The following UBE3B variants were observed in gnomAD, a reference collection of about 807,000 sequenced individuals.
UBE3B encodes ubiquitin protein ligase E3B, also known as ubiquitin-protein ligase E3B.
Under a neutral mutation model 132.3 loss-of-function variants are expected in UBE3B, and 80 were observed. The ratio of observed to expected loss-of-function variants is 0.60; its 90% CI spans 0.50 to 0.73. UBE3B has a LOEUF of 0.73. UBE3B is among the 30% of genes least tolerant of loss of function. The pLI is 0.00. For missense variants in UBE3B, 1,196 were observed against 1,362.5 expected, an observed-to-expected ratio of 0.88 and a Z score of 1.92; for synonymous variants, 487 against 520.4, an observed-to-expected ratio of 0.94 and a Z score of 0.87.
chr12:109,524,427 T>G lies in UBE3B; in HGVS notation c.2503-11T>G, dbSNP rs780297349. 107 of 1,614,044 alleles carry G rather than the reference T, an allele frequency of 6.6e-5. No homozygotes were observed. The highest frequency in any genetic ancestry group is 8.6e-5 in the Non-Finnish European group (101 of 1,179,986). On this transcript the variant is annotated splice_polypyrimidine_tract_variant and intron_variant, in intron 22 of 27. Transcript: ENST00000342494. ...ATGGCCCTAACACTTTCCCCTTCTCTGTTACATTAGCGCTATGATGGGGAC... is the reference window on the plus strand; with the variant it reads ...ATGGCCCTAACACTTTCCCCTTCTCGGTTACATTAGCGCTATGATGGGGAC...
chr12:109,501,836 T>TA (rs981930208), intron 13 of UBE3B, among the ~76,000 whole-genome samples: 23 of 150,950 alleles, frequency 1.5e-4, no homozygotes, highest in Non-Finnish European at 2.2e-4. Context: ...TTTTTTTTTT[T>TA]AATTTTTGTA....
chr12:109,533,716 A>C, intron 27 of UBE3B, 158 bp downstream of exon 27: 2 of 855,296 alleles, frequency 2.3e-6, no homozygotes, highest in Non-Finnish European at 3.8e-6. Flanking sequence ...TTCTCACGGC[A>C]GGAGAACCAG....
At chr12:109,486,833 G>C (rs1015805596) in intron 6 of UBE3B, among the ~76,000 whole-genome samples, 4 of 152,094 alleles carry the variant, frequency 2.6e-5, no homozygotes, top group African/African-American at 9.7e-5. Context: ...TTCATTTAAT[G>C]TAATCAGTAC....
intron 17 of UBE3B, 85 bp from the exon 18 acceptor site, chr12:109,511,119 G>A: frequency 8.4e-7 from 1 of 1,193,242 alleles, no homozygotes; most frequent in Non-Finnish European, 1.2e-6. Context: ...CCTGCATGTG[G>A]CCCACATGGT....
chr12:109,485,804 C>T (rs1339096391), intron 4 of UBE3B, among the ~76,000 whole-genome samples: 1 of 152,114 alleles, frequency 6.6e-6, no homozygotes, highest in Non-Finnish European at 1.5e-5. Flanking sequence ...TATAGGGTTC[C>T]TCCAGCTCTT....
chr12:109,524,257 C>T, intron 22 of UBE3B, 142 bp downstream of exon 22: 1 of 1,380,710 alleles, frequency 7.2e-7, no homozygotes, highest in Non-Finnish European at 9.9e-7. Context: ...TGTGGGCAGT[C>T]CCACTTGGGG....
At chr12:109,507,191 G>A (rs1313247715) in intron 14 of UBE3B, among the ~76,000 whole-genome samples, 2 of 152,248 alleles carry the variant, frequency 1.3e-5, no homozygotes, top group Admixed American at 1.3e-4. Context: ...TAAATGCTAA[G>A]TCAGACCTGA....
intron 14 of UBE3B, among the ~76,000 whole-genome samples, chr12:109,507,273 T>C (rs752569056): frequency 6.6e-6 from 1 of 152,230 alleles, no homozygotes; most frequent in Non-Finnish European, 1.5e-5. Context: ...GTGCTTCAGT[T>C]TCCTCCTGTA....
intron 24 of UBE3B, among the ~76,000 whole-genome samples, chr12:109,528,899 C>G (rs1193764901): frequency 2.0e-5 from 3 of 151,648 alleles, no homozygotes; most frequent in Non-Finnish European, 4.4e-5. Flanking sequence ...TGGCTCACAT[C>G]TGTAATCCCA....
intron 25 of UBE3B, 53 bp from the exon 26 acceptor site, chr12:109,530,494 C>A: frequency 6.6e-7 from 1 of 1,510,998 alleles, no homozygotes; most frequent in Non-Finnish European, 9.2e-7. Context: ...GCCTGCCTGT[C>A]CATAAGTGCC....
intron 16 of UBE3B, 36 bp from the exon 17 acceptor site, chr12:109,510,308 C>T (rs1201136965): frequency 6.5e-7 from 1 of 1,538,238 alleles, no homozygotes; most frequent in Non-Finnish European, 8.9e-7. Flanking sequence ...CTGGCTCTGA[C>T]TCCTCCTCTG....
At chr12:109,505,771 C>T (rs1196816105) in intron 14 of UBE3B, among the ~76,000 whole-genome samples, 1 of 152,204 alleles carries the variant, frequency 6.6e-6, no homozygotes, top group African/African-American at 2.4e-5. Context: ...TCAGTTCACC[C>T]TCTAAGTATC....
intron 19 of UBE3B, among the ~76,000 whole-genome samples, chr12:109,518,938 AC>A (rs1881377670): frequency 6.6e-6 from 1 of 152,168 alleles, no homozygotes; most frequent in East Asian, 1.9e-4. Context: ...GGATTTGGAC[AC>A]AAGGGGGCGT....
At chr12:109,501,679 T>A in intron 13 of UBE3B, 145 bp downstream of exon 13, 1 of 1,032,384 alleles carries the variant, frequency 9.7e-7, no homozygotes, top group Non-Finnish European at 1.4e-6. Context: ...AGAGACAGAG[T>A]CTCACTGTAT....
chr12:109,538,324 T>C (rs576116612), downstream of UBE3B, among the ~76,000 whole-genome samples: 3 of 152,294 alleles, frequency 2.0e-5, no homozygotes, highest in African/African-American at 7.2e-5. The surrounding 1 kb of genome is among the most constrained non-coding windows in gnomAD (Gnocchi z 4.1). Flanking sequence ...ACTTATCAAA[T>C]TGGCCAGAGT....
intron 24 of UBE3B, among the ~76,000 whole-genome samples, chr12:109,527,754 T>A (rs1244235624): frequency 1.3e-5 from 2 of 152,100 alleles, no homozygotes; most frequent in African/African-American, 4.8e-5. Flanking sequence ...GCATGGTGAG[T>A]CCTGCCCCTG....
chr12:109,498,388 G>C, intron 11 of UBE3B, 35 bp downstream of exon 11: 1 of 1,601,540 alleles, frequency 6.2e-7, no homozygotes, highest in Non-Finnish European at 8.5e-7. Flanking sequence ...ATTGTGTCCT[G>C]GCCATCAGGG....
chr12:109,507,428 A>G (rs1329233856), intron 14 of UBE3B, 136 bp from the exon 15 acceptor site: 2 of 960,734 alleles, frequency 2.1e-6, no homozygotes, highest in Non-Finnish European at 3.1e-6. Flanking sequence ...GCTTTTCTCC[A>G]TAATCCCACC....
chr12:109,515,680 T>C (rs1056658763), intron 18 of UBE3B, among the ~76,000 whole-genome samples: 10 of 152,326 alleles, frequency 6.6e-5, no homozygotes, highest in African/African-American at 2.4e-4. Flanking sequence ...TTACTGTTCT[T>C]ATTTGTATTT....
Sources: allele counts gnomAD v4.1 joint callset (sites outside exome capture counted in the v4.1 genomes callset), GRCh38; gene constraint gnomAD v4.1.1; non-coding constraint Gnocchi (gnomAD v3.1); transcripts MANE v1.5; gene names NCBI Gene and HGNC (gene_info 2026-07-23, HGNC 2026-07-21).